TRHDE: variants seen among roughly 807,000 people sequenced by gnomAD.
The protein encoded by TRHDE is thyrotropin releasing hormone degrading enzyme.
A neutral mutation model predicts 125.7 loss-of-function variants in TRHDE; 72 were observed. The observed-to-expected ratio is 0.57, with a 90% CI of 0.47 to 0.70. TRHDE has a LOEUF of 0.70. TRHDE is among the 30% of genes least tolerant of loss of function. The probability of loss-of-function intolerance (pLI) is 0.00; values close to 1 mark genes in which losing one functional copy is unlikely to be tolerated. For synonymous variants in TRHDE, 509 were observed against 509.1 expected (o/e 1.00, Z 0.00); for missense variants, 1,110 against 1,327.1 (o/e 0.84, Z 2.54).
intron 2 of TRHDE, among the ~76,000 whole-genome samples, chr12:72,224,346 CCCAAGAAAGGGCTATA>C (rs1878080645): frequency 6.6e-6 from 1 of 152,026 alleles, no homozygotes. Context: ...GTGATATCTA[CCCAAGAAAGGGCTATA>C]GGTTGTGGTG....
At chr12:72,354,330 T>C (rs2135743746) in intron 2 of TRHDE, among the ~76,000 whole-genome samples, 1 of 151,074 alleles carries the variant, frequency 6.6e-6, no homozygotes, top group East Asian at 2.0e-4. Context: ...GAGAGAAGAG[T>C]GGTCTTGGGA....
intron 2 of TRHDE, among the ~76,000 whole-genome samples, chr12:72,159,588 A>G (rs900318622): frequency 2.6e-5 from 4 of 152,240 alleles, no homozygotes; most frequent in African/African-American, 9.6e-5. Context: ...TTCAAATCAG[A>G]TATCTAACTT....
rs139154312 is a variant in TRHDE, at chr12:72,196,691, A to G, written n.279+90939A>G. 9.5e-4 allele frequency among the ~76,000 whole-genome samples: 144 copies of G among 152,182 alleles called. 1 individual carries two copies. The highest frequency in any genetic ancestry group is 3.4e-3 in the Middle Eastern group (1 of 294). On this transcript the variant is annotated intron_variant and non_coding_transcript_variant, in intron 2 of 4. Transcript: ENST00000548156. ...TTCCTTTCTTCCTATTATTTTGAAT[A>G]AACTCATTATTATTTCATCCAAGGC...
intron 15 of TRHDE, among the ~76,000 whole-genome samples, chr12:72,638,766 C>T (rs936268515): frequency 3.3e-5 from 5 of 152,006 alleles, no homozygotes; most frequent in African/African-American, 7.2e-5. Context: ...ACTTATGAAG[C>T]TTAGTTTGGC....
chr12:72,270,734 G>C (rs571505130), upstream of TRHDE, among the ~76,000 whole-genome samples: 1 of 152,046 alleles, frequency 6.6e-6, no homozygotes, highest in African/African-American at 2.4e-5. Flanking sequence ...GTCACCTTTG[G>C]GGTGGCTGTT....
chr12:72,323,558 T>G (rs1463157335), intron 2 of TRHDE, among the ~76,000 whole-genome samples: 1 of 152,126 alleles, frequency 6.6e-6, no homozygotes, highest in Non-Finnish European at 1.5e-5. Context: ...TGATCCTGAC[T>G]CTACCCCCTC....
chr12:72,189,218 G>C (rs572807555), intron 2 of TRHDE, among the ~76,000 whole-genome samples: 21 of 152,316 alleles, frequency 1.4e-4, no homozygotes, highest in South Asian at 6.2e-4. Flanking sequence ...ATTGATAACA[G>C]CTTAATACTA....
intron 1 of TRHDE, among the ~76,000 whole-genome samples, chr12:72,096,329 A>C (rs1874921310): frequency 6.6e-6 from 1 of 152,230 alleles, no homozygotes; most frequent in Admixed American, 6.5e-5. Context: ...TGTCCGCTGC[A>C]AACACAAAGA....
chr12:72,281,427 T>C (rs773770530), intron 1 of TRHDE, among the ~76,000 whole-genome samples: 1 of 152,206 alleles, frequency 6.6e-6, no homozygotes, highest in Non-Finnish European at 1.5e-5. Flanking sequence ...CTGCAATCAG[T>C]TGAATAGTAA....
Position 72,562,197 on chromosome 12 carries a change from A to T in TRHDE, c.1821A>T (p.Ala607=). ...TAACCATTCATAAGTATGGTAATGC[A>T]GCCAGAAATGATCTCTGGAATACAT... ...DYLTIHKYGN[A]ARNDLWNTLS... The change falls in exon 8 of 19, where the codon GCA becomes GCT. Residue 607 remains alanine, a synonymous_variant. Coordinates refer to ENST00000261180, the MANE Select transcript of TRHDE (RefSeq NM_013381.3). 6.4e-7 allele frequency: 1 copy of T among 1,564,890 alleles called. No individual in the cohort carries two copies. Among genetic ancestry groups the T allele is most frequent in the Non-Finnish European group, 8.8e-7 (1 of 1,140,212 alleles).
At chr12:72,524,170 C>T (rs1868293998) in intron 6 of TRHDE, among the ~76,000 whole-genome samples, 1 of 152,092 alleles carries the variant, frequency 6.6e-6, no homozygotes, top group South Asian at 2.1e-4. Context: ...TTGAGAACAG[C>T]TGAAGGTGGT....
chr12:72,394,169 G>A (rs756945352), intron 3 of TRHDE, among the ~76,000 whole-genome samples: 30 of 152,184 alleles, frequency 2.0e-4, no homozygotes, highest in Non-Finnish European at 3.7e-4. Flanking sequence ...TAAGTCACCA[G>A]AGTCTAATAA....
intron 15 of TRHDE, among the ~76,000 whole-genome samples, chr12:72,628,081 C>T (rs911999005): frequency 6.6e-6 from 1 of 151,864 alleles, no homozygotes; most frequent in Non-Finnish European, 1.5e-5. Flanking sequence ...GTAAAACATA[C>T]TGAGCCTCTG....
intron 6 of TRHDE, among the ~76,000 whole-genome samples, chr12:72,512,046 T>C (rs1402668595): frequency 2.6e-5 from 4 of 152,158 alleles, no homozygotes; most frequent in African/African-American, 4.8e-5. Context: ...CTGTCTTTTT[T>C]ACTTTGCTGA....
chr12:72,222,698 A>G (rs1349748346), intron 2 of TRHDE, among the ~76,000 whole-genome samples: 4 of 152,058 alleles, frequency 2.6e-5, no homozygotes, highest in African/African-American at 9.7e-5. Flanking sequence ...TGAGTAAGCA[A>G]TCCTTTTCCA....
chr12:72,485,173 G>A (rs982417467), intron 5 of TRHDE, among the ~76,000 whole-genome samples: 2 of 152,152 alleles, frequency 1.3e-5, no homozygotes, highest in African/African-American at 4.8e-5. Flanking sequence ...CACACACTGA[G>A]CTACACCCAG....
intron 3 of TRHDE, among the ~76,000 whole-genome samples, chr12:72,452,118 G>T (rs1388448535): frequency 6.6e-6 from 1 of 151,694 alleles, no homozygotes; most frequent in Non-Finnish European, 1.5e-5. Flanking sequence ...CGCGATTTCT[G>T]TTTCTTTTGT....
intron 18 of TRHDE, among the ~76,000 whole-genome samples, chr12:72,660,693 CTG>C (rs1477615566): frequency 6.6e-6 from 1 of 152,164 alleles, no homozygotes; most frequent in African/African-American, 2.4e-5. Flanking sequence ...ATGATCATCT[CTG>C]TATCTAATTT....
At chr12:72,136,753 C>T (rs1480507007) in intron 2 of TRHDE, among the ~76,000 whole-genome samples, 1 of 152,252 alleles carries the variant, frequency 6.6e-6, no homozygotes, top group East Asian at 1.9e-4. Flanking sequence ...GGAGGGTAGT[C>T]GTTGTATGGA....
Sources: gnomAD v4.1 joint callset for allele counts (sites outside exome capture counted in the v4.1 genomes callset) on GRCh38, gnomAD v4.1.1 for gene constraint, MANE v1.5 for transcripts, NCBI Gene and HGNC (gene_info 2026-07-23, HGNC 2026-07-21) for gene names.